HNRNPUL1: variants seen among roughly 807,000 people sequenced by gnomAD.
The protein encoded by HNRNPUL1 is heterogeneous nuclear ribonucleoprotein U-like protein 1.
Under a neutral mutation model 108.5 loss-of-function variants are expected in HNRNPUL1, and 14 were observed. That is an observed-to-expected ratio of 0.13 (90% CI 0.09 to 0.20). The LOEUF is 0.20. HNRNPUL1 is among the 10% of genes least tolerant of loss of function. HNRNPUL1 has a pLI of 1.00. For missense variants in HNRNPUL1, 804 were observed against 1,168.3 expected (o/e 0.69, Z 4.55); for synonymous variants, 422 against 445.2 (o/e 0.95, Z 0.66).
At chr19:41,263,307 T>C (rs1173657130), upstream of HNRNPUL1, among the ~76,000 whole-genome samples, 1 of 152,196 alleles carries the variant, frequency 6.6e-6, no homozygotes, top group Admixed American at 6.5e-5. Context: ...TTTGTATTCC[T>C]GAGCGCGAAG....
intron 7 of HNRNPUL1, among the ~76,000 whole-genome samples, chr19:41,287,429 G>A (rs1328657173): frequency 6.6e-6 from 1 of 151,990 alleles, no homozygotes; most frequent in Non-Finnish European, 1.5e-5. Context: ...ATATTCTTTC[G>A]TCCAGTTGAG....
rs2036635651 is a variant in HNRNPUL1 at position 41,292,377 on chromosome 19, G to A, written c.1132G>A (p.Ala378Thr). 1 of 1,614,190 alleles carries A rather than the reference G, an allele frequency of 6.2e-7. No homozygotes were observed. The highest frequency in any genetic ancestry group is 8.5e-7 in the Non-Finnish European group (1 of 1,180,038). The change falls in exon 8 of 15, where the codon GCA becomes ACA. Residue 378 changes from alanine (A) to threonine (T), a missense_variant. Ala to Thr is a moderately conservative substitution (Grantham distance 58). Transcript: ENST00000392006. This position sits in a 1 kb window ranked among gnomAD's most constrained non-coding sequence, Gnocchi z 4.1. ...LYPHVLVKNCAVEFNFGQRAE... is the reference protein window; with the variant it reads ...LYPHVLVKNCTVEFNFGQRAE... ...TCCTCATGTCCTGGTGAAGAATTGC[G>A]CAGTGGAGTTCAACTTCGGACAGAG... is the stretch of plus-strand genomic sequence containing the variant.
At chr19:41,265,150 GA>G in intron 1 of HNRNPUL1, 1 of 1,417,478 alleles carries the variant, frequency 7.1e-7, no homozygotes, top group Non-Finnish European at 9.2e-7. Context: ...GGAGGGTCTC[GA>G]AAATGGGGAT....
At chr19:41,283,442 G>A (rs1002935272) in intron 7 of HNRNPUL1, among the ~76,000 whole-genome samples, 2 of 151,904 alleles carry the variant, frequency 1.3e-5, no homozygotes, top group African/African-American at 2.4e-5. Context: ...CACCACGCCT[G>A]GCTAATTATT....
chr19:41,287,997 T>C (rs753321678), intron 7 of HNRNPUL1, among the ~76,000 whole-genome samples: 29 of 152,274 alleles, frequency 1.9e-4, no homozygotes, highest in Non-Finnish European at 4.0e-4. Flanking sequence ...ACAGACAATA[T>C]ATAGATCTAG....
At chr19:41,283,104 G>T (rs1345154011) in intron 7 of HNRNPUL1, among the ~76,000 whole-genome samples, 1 of 152,156 alleles carries the variant, frequency 6.6e-6, no homozygotes, top group South Asian at 2.1e-4. Context: ...AGCATGTCAT[G>T]AATGCATAAA....
At chr19:41,270,408 A>AT (rs199718308) in intron 2 of HNRNPUL1, among the ~76,000 whole-genome samples, 18 of 151,012 alleles carry the variant, frequency 1.2e-4, no homozygotes, top group African/African-American at 3.6e-4. Context: ...CTCCAAAAAA[A>AT]TTTTTTTTTT....
intron 7 of HNRNPUL1, among the ~76,000 whole-genome samples, chr19:41,286,945 T>G (rs1233517043): frequency 6.6e-6 from 1 of 151,876 alleles, no homozygotes; most frequent in Non-Finnish European, 1.5e-5. Context: ...CTCGAACTCC[T>G]GACCTCAGAT....
At chr19:41,293,028 G>C (rs2036680157) in intron 8 of HNRNPUL1, among the ~76,000 whole-genome samples, 1 of 151,964 alleles carries the variant, frequency 6.6e-6, no homozygotes, top group South Asian at 2.1e-4. Flanking sequence ...TAGCCACTGA[G>C]CCTGGCCCAC....
At chr19:41,274,153 A>C (rs2035408824) in intron 4 of HNRNPUL1, 98 bp downstream of exon 4, 1 of 955,142 alleles carries the variant, frequency 1.0e-6, no homozygotes, top group African/African-American at 1.6e-5. Flanking sequence ...CACCGTCCAA[A>C]GACATTGTTA....
chr19:41,297,544 T>G (rs1161654403), intron 10 of HNRNPUL1, among the ~76,000 whole-genome samples: 1 of 152,214 alleles, frequency 6.6e-6, no homozygotes, highest in African/African-American at 2.4e-5. Context: ...CTTTCTGGCC[T>G]TGTCCCAGAG....
At chr19:41,296,096 T>C (rs1332698955) in intron 10 of HNRNPUL1, among the ~76,000 whole-genome samples, 1 of 152,262 alleles carries the variant, frequency 6.6e-6, no homozygotes, top group Admixed American at 6.5e-5. Flanking sequence ...TGAGGATACA[T>C]ACCTCTTTTG....
intron 7 of HNRNPUL1, among the ~76,000 whole-genome samples, chr19:41,289,862 GCCA>G (rs1452865991): frequency 6.6e-6 from 1 of 151,772 alleles, no homozygotes; most frequent in African/African-American, 2.4e-5. Flanking sequence ...ACAGGCACTC[GCCA>G]CCATGACCAG....
chr19:41,294,334 G>A lies in HNRNPUL1; in HGVS notation c.1267-4G>A, dbSNP rs376862674. Reference sequence around the variant, plus strand: ...GCAACACCTTCCCTGTCTTGTTCTTGTAGATTCTGATGATGGTGGGCCTGC... The same window carrying A: ...GCAACACCTTCCCTGTCTTGTTCTTATAGATTCTGATGATGGTGGGCCTGC... On this transcript the variant is annotated splice_polypyrimidine_tract_variant and splice_region_variant and intron_variant, in intron 8 of 14. Coordinates refer to ENST00000392006, the MANE Select transcript of HNRNPUL1 (RefSeq NM_007040.6). This position sits in a 1 kb window ranked among gnomAD's most constrained non-coding sequence, Gnocchi z 4.3. 5.6e-6 allele frequency: 9 copies of A among 1,613,912 alleles called. No individual in the cohort carries two copies. In the African/African-American group the frequency reaches 8.0e-5, roughly 14 times the overall value.
rs1162070379 is a variant in HNRNPUL1 at position 41,294,027 on chromosome 19, A to G, written c.1267-311A>G. 6.6e-6 allele frequency among the ~76,000 whole-genome samples: 1 copy of G among 152,104 alleles called. No individual in the cohort carries two copies. The highest frequency in any genetic ancestry group is 1.9e-4 in the East Asian group (1 of 5,198). On this transcript the variant is annotated intron_variant, in intron 8 of 14. Transcript: ENST00000392006. This position sits in a 1 kb window ranked among gnomAD's most constrained non-coding sequence, Gnocchi z 4.3. ...GTCTCAAAAAAACAAAATACTATAAATGCTAATGATGACAGCACTTGGTTT... is the reference window on the plus strand; with the variant it reads ...GTCTCAAAAAAACAAAATACTATAAGTGCTAATGATGACAGCACTTGGTTT...
chr19:41,279,495 C>G (rs2035779378), intron 6 of HNRNPUL1, among the ~76,000 whole-genome samples: 1 of 152,184 alleles, frequency 6.6e-6, no homozygotes, highest in Non-Finnish European at 1.5e-5. Context: ...AACCAAGCTG[C>G]TGATAAGTTC....
Position 41,274,197 on chromosome 19 carries a change from A to C in HNRNPUL1, c.646+142A>C. 3 of 710,384 alleles carry C rather than the reference A, an allele frequency of 4.2e-6. No homozygotes were observed. In the Middle Eastern group the frequency reaches 7.7e-4, roughly 181 times the overall value. 44.0% of individuals were successfully genotyped at this position (710,384 alleles called of 1,614,324 possible). Reference sequence around the variant, plus strand: ...GTGAGACACGGCTTAGCTCTGGAGCAAGAGTACTGGTTTGGAGGCAAAAGA... The same window carrying C: ...GTGAGACACGGCTTAGCTCTGGAGCCAGAGTACTGGTTTGGAGGCAAAAGA... On this transcript the variant is annotated intron_variant, in intron 4 of 14. Transcript: ENST00000392006.
At position 41,292,583 on chromosome 19, in the gene HNRNPUL1, C is replaced by G. The variant is rs1599832151; in HGVS notation, c.1266+72C>G. ...GAGGAGACACACACACACACACACA[C>G]ACAGACTTGCTGCGAGAGTAGCCTT... On this transcript the variant is annotated intron_variant, in intron 8 of 14. Coordinates refer to ENST00000392006, the MANE Select transcript of HNRNPUL1 (RefSeq NM_007040.6). This position sits in a 1 kb window ranked among gnomAD's most constrained non-coding sequence, Gnocchi z 4.1. 3 of 1,422,870 alleles carry G rather than the reference C, an allele frequency of 2.1e-6. No individual in the cohort carries two copies. The highest frequency in any genetic ancestry group is 2.9e-6 in the Non-Finnish European group (3 of 1,034,776). The allele number at this position is 1,422,870 out of a possible 1,614,324, so 88.1% of individuals were successfully genotyped here. A position where few individuals can be genotyped will look rare whatever the true frequency, so the allele number is the denominator to read the frequency against.
intron 2 of HNRNPUL1, among the ~76,000 whole-genome samples, chr19:41,271,550 C>G (rs535632838): frequency 6.7e-4 from 102 of 152,272 alleles, no homozygotes; most frequent in Non-Finnish European, 1.3e-3. Context: ...TGAAGGTAGC[C>G]TACATCTGTG....
Sources: gnomAD v4.1 joint callset for allele counts (sites outside exome capture counted in the v4.1 genomes callset) on GRCh38, gnomAD v4.1.1 for gene constraint, Gnocchi (gnomAD v3.1) non-coding constraint, MANE v1.5 for transcripts, NCBI Gene and HGNC (gene_info 2026-07-23, HGNC 2026-07-21) for gene names.